Variants in DRC10 observed in about 807,000 individuals in gnomAD.
DRC10 encodes the protein IQ domain-containing protein D.
chr12:113,211,461 G>A, the DRC10 span, among the ~76,000 whole-genome samples: 5 of 152,192 alleles, frequency 3.3e-5, no homozygotes, highest in South Asian at 1.0e-3. Flanking sequence ...TCCTTGGCAA[G>A]GCAGAATGTA....
At chr12:113,201,655 T>G in the DRC10 span, among the ~76,000 whole-genome samples, 1 of 152,218 alleles carries the variant, frequency 6.6e-6, no homozygotes, top group African/African-American at 2.4e-5. Flanking sequence ...GGGTGGAGGA[T>G]GAGACAGTTT....
the DRC10 span, chr12:113,207,347 T>TA: frequency 2.5e-3 from 2,508 of 1,023,600 alleles, 2 homozygotes; most frequent in Admixed American, 4.0e-3. Context: ...GACTCCATCT[T>TA]AAAAAAAAAA....
At chr12:113,207,341 C>G in the DRC10 span, 8 of 1,005,164 alleles carry the variant, frequency 8.0e-6, no homozygotes, top group Non-Finnish European at 1.3e-5. Flanking sequence ...GAGCGAGACT[C>G]CATCTTAAAA....
chr12:113,211,354 AAC>A, the DRC10 span, among the ~76,000 whole-genome samples: 1 of 152,244 alleles, frequency 6.6e-6, no homozygotes, highest in Admixed American at 6.5e-5. Flanking sequence ...CAAACCAAAG[AAC>A]ACACCAAGAG....
At chr12:113,198,618 CAG>C in the DRC10 span, among the ~76,000 whole-genome samples, 2 of 151,878 alleles carry the variant, frequency 1.3e-5, no homozygotes, top group African/African-American at 2.4e-5. Context: ...TTGCCAGGGA[CAG>C]GGGGAATAAG....
chr12:113,205,417 C>T, the DRC10 span, among the ~76,000 whole-genome samples: 3 of 151,948 alleles, frequency 2.0e-5, no homozygotes, highest in East Asian at 5.8e-4. Context: ...CCTGTAGTCC[C>T]AGAGACTCGG....
the DRC10 span, among the ~76,000 whole-genome samples, chr12:113,203,934 T>G: frequency 6.6e-6 from 1 of 151,790 alleles, no homozygotes; most frequent in Non-Finnish European, 1.5e-5. Flanking sequence ...ACACCCCATC[T>G]CTAAAAAAAG....
chr12:113,195,515 C>G, the DRC10 span: 1 of 1,504,176 alleles, frequency 6.6e-7, no homozygotes, highest in Non-Finnish European at 8.9e-7. Flanking sequence ...CTCTCCATCT[C>G]GGGCCTTCCT....
chr12:113,200,508 G>T, the DRC10 span: 1 of 1,133,740 alleles, frequency 8.8e-7, no homozygotes, highest in Non-Finnish European at 1.3e-6. Flanking sequence ...ACCTCCAGGA[G>T]TGATGGAACA....
the DRC10 span, among the ~76,000 whole-genome samples, chr12:113,210,106 G>A: frequency 2.0e-5 from 3 of 152,162 alleles, no homozygotes; most frequent in Admixed American, 6.5e-5. Context: ...ACTGTACTCC[G>A]GCCTGGGCAA....
chr12:113,203,034 C>CT, the DRC10 span: 1,477 of 368,604 alleles, frequency 4.0e-3, no homozygotes, highest in South Asian at 5.3e-3. Context: ...TACTGTTTCC[C>CT]TTTTTTTTTT....
At chr12:113,216,220 C>T in the DRC10 span, among the ~76,000 whole-genome samples, 1 of 152,086 alleles carries the variant, frequency 6.6e-6, no homozygotes, top group Non-Finnish European at 1.5e-5. Flanking sequence ...TGTCAAGCCA[C>T]GAAAAGACAT....
At chr12:113,219,287 G>A in the DRC10 span, among the ~76,000 whole-genome samples, 180 of 152,056 alleles carry the variant, frequency 1.2e-3, no homozygotes, top group Non-Finnish European at 2.2e-3. Flanking sequence ...CCACCTGCCT[G>A]TGCCTCCTAC....
chr12:113,207,510 A>G, the DRC10 span: 2 of 1,613,964 alleles, frequency 1.2e-6, no homozygotes. Context: ...GGTTATTACT[A>G]TTCTGTCTAC....
the DRC10 span, chr12:113,207,980 C>T: frequency 6.2e-7 from 1 of 1,614,238 alleles, no homozygotes; most frequent in Non-Finnish European, 8.5e-7. Context: ...ACCAGCTCCA[C>T]CTTGTAGATC....
chr12:113,197,440 GC>G, the DRC10 span: 1 of 770,682 alleles, frequency 1.3e-6, no homozygotes, highest in Non-Finnish European at 2.2e-6. Context: ...TCAGAAGTTT[GC>G]CCACTCCATG....
chr12:113,198,783 T>C, the DRC10 span, among the ~76,000 whole-genome samples: 3 of 152,206 alleles, frequency 2.0e-5, no homozygotes, highest in Admixed American at 6.5e-5. Flanking sequence ...TTTTATGTTA[T>C]GTAAGTTTCA....
At chr12:113,219,322 C>T in the DRC10 span, among the ~76,000 whole-genome samples, 1 of 152,216 alleles carries the variant, frequency 6.6e-6, no homozygotes, top group Non-Finnish European at 1.5e-5. Flanking sequence ...AGGCACGAGC[C>T]ACTGTGCCTG....
At chr12:113,217,746 G>A in the DRC10 span, among the ~76,000 whole-genome samples, 2 of 152,194 alleles carry the variant, frequency 1.3e-5, no homozygotes, top group Non-Finnish European at 2.9e-5. Flanking sequence ...TGCCCAGGCT[G>A]GTCTTGAACT....
Sources: gnomAD v4.1 joint callset for allele counts (sites outside exome capture counted in the v4.1 genomes callset) on GRCh38, gnomAD v4.1.1 for gene constraint, MANE v1.5 for transcripts, NCBI Gene and HGNC (gene_info 2026-07-23, HGNC 2026-07-21) for gene names.